Variants in BMPR1B observed in about 807,000 individuals in gnomAD.
BMPR1B encodes the protein bone morphogenetic protein receptor type-1B.
BMPR1B carries 12 observed loss-of-function variants against 59.1 expected under a neutral mutation model. That is an observed-to-expected ratio of 0.20 (90% CI 0.13 to 0.33). The LOEUF (loss-of-function observed/expected upper bound fraction) is 0.33, where lower values mean the gene tolerates loss of function less well. Among genes scored for constraint, BMPR1B ranks in the 10% least tolerant of loss-of-function variants. The pLI is 1.00. For synonymous variants in BMPR1B, 237 were observed against 207.3 expected, an observed-to-expected ratio of 1.14 and a Z score of -1.23; for missense variants, 550 against 610.9, an observed-to-expected ratio of 0.90 and a Z score of 1.05.
At chr4:94,802,777 CT>C (rs1181670145) in intron 1 of BMPR1B, among the ~76,000 whole-genome samples, 2 of 152,132 alleles carry the variant, frequency 1.3e-5, no homozygotes, top group Non-Finnish European at 2.9e-5. Context: ...AAAAAAGTCA[CT>C]GTTAAATCAG....
intron 3 of BMPR1B, among the ~76,000 whole-genome samples, chr4:95,020,543 C>A: frequency 6.9e-6 from 1 of 145,434 alleles, no homozygotes; most frequent in Non-Finnish European, 1.5e-5. Flanking sequence ...TGCGCCACTG[C>A]GCTCCAGACT....
chr4:95,045,495 T>C (rs1725979440), intron 3 of BMPR1B, among the ~76,000 whole-genome samples: 1 of 152,206 alleles, frequency 6.6e-6, no homozygotes, highest in Non-Finnish European at 1.5e-5. Context: ...ATCGAGCTTC[T>C]CGTGTTCTCT....
At chr4:95,022,220 TA>T (rs1373956187) in intron 3 of BMPR1B, among the ~76,000 whole-genome samples, 1 of 152,212 alleles carries the variant, frequency 6.6e-6, no homozygotes, top group East Asian at 1.9e-4. Flanking sequence ...ATATGGTTTT[TA>T]AAGGCCCACT....
chr4:94,844,142 A>G (rs1368707595), intron 1 of BMPR1B, among the ~76,000 whole-genome samples: 2 of 152,144 alleles, frequency 1.3e-5, no homozygotes, highest in Non-Finnish European at 1.5e-5. Context: ...GAAATTTGCT[A>G]AAAGAATTGA....
intron 3 of BMPR1B, among the ~76,000 whole-genome samples, chr4:95,049,066 C>G (rs1203206139): frequency 6.6e-6 from 1 of 152,104 alleles, no homozygotes; most frequent in Non-Finnish European, 1.5e-5. Context: ...TTTCACTCTC[C>G]CTCACCTAGT....
chr4:94,832,381 A>G (rs1326275295), intron 1 of BMPR1B, among the ~76,000 whole-genome samples: 2 of 152,202 alleles, frequency 1.3e-5, no homozygotes, highest in African/African-American at 2.4e-5. Context: ...TCCTGACACT[A>G]TTATTACTGA....
At chr4:94,881,310 C>T (rs1306631177) in intron 2 of BMPR1B, among the ~76,000 whole-genome samples, 1 of 152,018 alleles carries the variant, frequency 6.6e-6, no homozygotes, top group South Asian at 2.1e-4. Flanking sequence ...CAAACACATG[C>T]GTATTTAGAA....
chr4:94,762,750 T>C (rs886566861), intron 1 of BMPR1B, among the ~76,000 whole-genome samples: 18 of 152,146 alleles, frequency 1.2e-4, no homozygotes, highest in Admixed American at 3.3e-4. Context: ...ATGAAAATGA[T>C]GTAGCTGAGA....
intron 1 of BMPR1B, among the ~76,000 whole-genome samples, chr4:94,829,133 A>ACCCTGACTGTAC (rs1724483861): frequency 6.6e-6 from 1 of 152,046 alleles, no homozygotes; most frequent in African/African-American, 2.4e-5. Context: ...CACATACCAC[A>ACCCTGACTGTAC]CCCTGACTGT....
Position 94,966,725 on chromosome 4 carries a change from T to G in BMPR1B, c.-112-29315T>G, listed in dbSNP as rs764318775. On this transcript the variant is annotated intron_variant, in intron 2 of 12. Coordinates refer to ENST00000515059, the MANE Select transcript of BMPR1B (RefSeq NM_001203.3). ...AATATTCTCAAGAGAGTTTAGGACT[T>G]AACTTTCATGCCTGAAATTTTTTTT... 2.2e-3 allele frequency among the ~76,000 whole-genome samples: 328 copies of G among 152,332 alleles called. 1 individual carries two copies. Among genetic ancestry groups the G allele is most frequent in the Non-Finnish European group, 3.5e-3 (240 of 68,002 alleles).
chr4:95,040,717 T>G (rs77176830), intron 3 of BMPR1B, among the ~76,000 whole-genome samples: 5,070 of 152,288 alleles, frequency 0.033, 126 homozygotes, highest in Middle Eastern at 0.068. Context: ...AATGTCAGTG[T>G]GTATCTGTTG....
intron 1 of BMPR1B, among the ~76,000 whole-genome samples, chr4:94,820,571 A>C (rs1724171329): frequency 6.6e-6 from 1 of 152,238 alleles, no homozygotes; most frequent in Non-Finnish European, 1.5e-5. Context: ...AAGATATGGT[A>C]ATGATTTGCA....
In BMPR1B at chr4:94,975,075, G is replaced by A. The variant is rs187060401; in HGVS notation, c.-112-20965G>A. On this transcript the variant is annotated intron_variant, in intron 2 of 12. Coordinates refer to ENST00000515059, the MANE Select transcript of BMPR1B (RefSeq NM_001203.3). ...ACGAAACTTCCAGTTTGTTATTTAC[G>A]GTGCCACAAAAGGTATTGGGCTACT... 3.3e-3 allele frequency among the ~76,000 whole-genome samples: 503 copies of A among 152,222 alleles called. 1 individual carries two copies. Among genetic ancestry groups the A allele is most frequent in the African/African-American group, 0.011 (463 of 41,550 alleles).
intron 2 of BMPR1B, among the ~76,000 whole-genome samples, chr4:94,970,965 C>A (rs1261245807): frequency 6.6e-6 from 1 of 152,146 alleles, no homozygotes. Flanking sequence ...CTAAGACACA[C>A]AGTCTTAATA....
chr4:94,841,077 G>A (rs1725045643), intron 1 of BMPR1B, among the ~76,000 whole-genome samples: 1 of 148,000 alleles, frequency 6.8e-6, no homozygotes, highest in East Asian at 1.9e-4. Context: ...GGCTGTTCGG[G>A]TGTCAGGGGT....
chr4:94,855,842 A>C (rs1037234627), intron 1 of BMPR1B, among the ~76,000 whole-genome samples: 1 of 152,236 alleles, frequency 6.6e-6, no homozygotes, highest in Non-Finnish European at 1.5e-5. Context: ...TTTAACTTAC[A>C]TTTAAATTTT....
chr4:94,897,754 C>A (rs1727640173), intron 2 of BMPR1B, among the ~76,000 whole-genome samples: 1 of 151,754 alleles, frequency 6.6e-6, no homozygotes, highest in Non-Finnish European at 1.5e-5. Flanking sequence ...CTCTTCTATA[C>A]TTGGATGTTT....
chr4:95,026,797 T>A (rs1724451685), intron 3 of BMPR1B, among the ~76,000 whole-genome samples: 1 of 146,114 alleles, frequency 6.8e-6, no homozygotes, highest in Non-Finnish European at 1.5e-5. Flanking sequence ...AGTGTCTCAC[T>A]CTTATCCAGG....
chr4:94,894,591 C>T (rs191544205), intron 2 of BMPR1B, among the ~76,000 whole-genome samples: 112 of 151,882 alleles, frequency 7.4e-4, no homozygotes, highest in Non-Finnish European at 1.4e-3. Flanking sequence ...TAAGGATTTC[C>T]TTTTGAGAAT....
Sources: allele counts gnomAD v4.1 joint callset (sites outside exome capture counted in the v4.1 genomes callset), GRCh38; gene constraint gnomAD v4.1.1; transcripts MANE v1.5; gene names NCBI Gene and HGNC (gene_info 2026-07-23, HGNC 2026-07-21).